SCN9A: variants seen among roughly 807,000 people sequenced by gnomAD.
SCN9A encodes the protein sodium voltage-gated channel alpha subunit 9.
In SCN9A, 131 loss-of-function variants were observed where a neutral mutation model predicts 187.0. The ratio of observed to expected loss-of-function variants is 0.70; its 90% CI spans 0.61 to 0.81. The LOEUF (loss-of-function observed/expected upper bound fraction) is 0.81, where lower values mean the gene tolerates loss of function less well. Ranked by LOEUF, SCN9A falls within the 30% of genes least tolerant of loss-of-function variation. The probability of loss-of-function intolerance (pLI) is 0.00; values close to 1 mark genes in which losing one functional copy is unlikely to be tolerated. For missense variants in SCN9A, 2,252 were observed against 2,396.6 expected (o/e 0.94, Z 1.26); for synonymous variants, 809 against 808.6 (o/e 1.00, Z -0.01).
chr2:166,296,464 T>C (rs918232431), intron 7 of SCN9A, among the ~76,000 whole-genome samples: 1 of 152,210 alleles, frequency 6.6e-6, no homozygotes, highest in African/African-American at 2.4e-5. Context: ...AAAACACTCC[T>C]GAACCTCGGG....
At chr2:166,308,211 T>A (rs980878966) in intron 2 of SCN9A, among the ~76,000 whole-genome samples, 2 of 152,202 alleles carry the variant, frequency 1.3e-5, no homozygotes, top group Admixed American at 1.3e-4. Context: ...ATCCTTTTTG[T>A]CTTAAATCTC....
intron 22 of SCN9A, among the ~76,000 whole-genome samples, 194 bp from the exon 23 acceptor site, chr2:166,227,917 C>T (rs934970930): frequency 6.6e-6 from 1 of 151,992 alleles, no homozygotes; most frequent in African/African-American, 2.4e-5. Flanking sequence ...AAATCTTAGT[C>T]CCAGTTAATT....
chr2:166,225,164 A>G (rs2106381331), intron 24 of SCN9A, among the ~76,000 whole-genome samples: 1 of 152,258 alleles, frequency 6.6e-6, no homozygotes, highest in South Asian at 2.1e-4. Context: ...AAGCATTGCT[A>G]TCCCCCCTGA....
At chr2:166,363,725 C>T (rs1037505296) in intron 1 of SCN9A, among the ~76,000 whole-genome samples, 3 of 151,834 alleles carry the variant, frequency 2.0e-5, no homozygotes, top group Non-Finnish European at 2.9e-5. Context: ...ACCTAAACGT[C>T]AGAGTTAGAA....
rs1362337541 is a variant in SCN9A at position 166,284,630 on chromosome 2, G to T, written c.1797C>A (p.Ser599Arg). Residue 599 changes from serine (S) to arginine (R), a missense_variant, in exon 12 of 27, where the codon AGC becomes AGA. Physicochemically the swap from Ser to Arg is moderately radical, Grantham distance 110. Around this residue, in one of 7 missense-constraint regions of SCN9A, gnomAD observed 1,013 missense variants for 997.4 expected, o/e 1.02. Coordinates refer to ENST00000642356, the MANE Select transcript of SCN9A (RefSeq NM_001365536.1). ...ACCTACTGGCTTGGCTGATGTTACT[G>T]CTGCGTCGCTCCTGGGGTCTGTGGG... ...FVPHRPQERR[S>R]SNISQASRSP... 1 of 1,613,988 alleles carries T rather than the reference G, an allele frequency of 6.2e-7. No individual in the cohort carries two copies. Among genetic ancestry groups the T allele is most frequent in the Admixed American group, 1.7e-5 (1 of 60,018 alleles).
At chr2:166,340,607 TCTTTCTTTCTTTC>T (rs57073619) in intron 1 of SCN9A, among the ~76,000 whole-genome samples, 14,532 of 87,914 alleles carry the variant, frequency 0.17, 1,791 homozygotes, top group African/African-American at 0.41. Context: ...TCTTTCTTTT[TCTTTCTTTCTTTC>T]CTTTCTCTTC....
intron 17 of SCN9A, 78 bp from the exon 18 acceptor site, chr2:166,251,963 A>T: frequency 6.7e-7 from 1 of 1,489,526 alleles, no homozygotes; most frequent in Non-Finnish European, 9.3e-7. Flanking sequence ...TTATTTAATA[A>T]TCAGACTCAT....
At chr2:166,200,729 G>A (rs556171357) in intron 26 of SCN9A, among the ~76,000 whole-genome samples, 18 of 152,158 alleles carry the variant, frequency 1.2e-4, no homozygotes, top group Admixed American at 1.2e-3. Context: ...TCTGCATCCC[G>A]GGATCAAATG....
At chr2:166,311,066 G>A (rs1698924761) in intron 2 of SCN9A, among the ~76,000 whole-genome samples, 1 of 89,404 alleles carries the variant, frequency 1.1e-5, no homozygotes, top group Non-Finnish European at 2.1e-5. Flanking sequence ...ATGGACACAG[G>A]AAGGGGAATA....
chr2:166,335,633 C>T (rs1699608263), intron 1 of SCN9A, among the ~76,000 whole-genome samples: 1 of 152,114 alleles, frequency 6.6e-6, no homozygotes, highest in African/African-American at 2.4e-5. Flanking sequence ...TTATCATTAG[C>T]AGACTTTCAA....
chr2:166,225,671 A>G (rs991342869), intron 24 of SCN9A, among the ~76,000 whole-genome samples: 2 of 152,168 alleles, frequency 1.3e-5, no homozygotes, highest in African/African-American at 4.8e-5. Context: ...TTATTTGAAA[A>G]TAATGTCATT....
intron 24 of SCN9A, among the ~76,000 whole-genome samples, chr2:166,224,306 T>C (rs1372725314): frequency 6.6e-6 from 1 of 152,122 alleles, no homozygotes; most frequent in Non-Finnish European, 1.5e-5. Flanking sequence ...AAATGGAACA[T>C]GAAATTTAAA....
chr2:166,295,971 C>G (rs1036624749), intron 7 of SCN9A: 4 of 152,184 alleles, frequency 2.6e-5, no homozygotes, highest in African/African-American at 9.6e-5. Flanking sequence ...CTTTTGTCAT[C>G]TCTCTTAAAT....
At chr2:166,238,007 T>C (rs1247718082) in intron 20 of SCN9A, 87 bp downstream of exon 20, 10 of 897,538 alleles carry the variant, frequency 1.1e-5, no homozygotes, top group Non-Finnish European at 1.5e-5. Flanking sequence ...AAAATTAAAA[T>C]ATGATAATAT....
At chr2:166,352,800 T>C (rs1411087728) in intron 1 of SCN9A, among the ~76,000 whole-genome samples, 2 of 152,170 alleles carry the variant, frequency 1.3e-5, no homozygotes, top group Non-Finnish European at 2.9e-5. Context: ...TTTAGAACTA[T>C]GAGCATTCAA....
At chr2:166,277,376 G>A in intron 15 of SCN9A, 37 bp from the exon 16 acceptor site, 1 of 1,393,048 alleles carries the variant, frequency 7.2e-7, no homozygotes, top group Non-Finnish European at 9.9e-7. Context: ...TAATCACTAT[G>A]AAAATCTTTT....
chr2:166,286,170 A>C (rs1697731542), intron 11 of SCN9A, among the ~76,000 whole-genome samples, 166 bp downstream of exon 11: 1 of 152,168 alleles, frequency 6.6e-6, no homozygotes, highest in African/African-American at 2.4e-5. Flanking sequence ...CCAAATGGAA[A>C]CCTGTGTACA....
chr2:166,368,587 C>T (rs548476797), intron 1 of SCN9A, among the ~76,000 whole-genome samples: 8 of 151,272 alleles, frequency 5.3e-5, no homozygotes, highest in African/African-American at 1.7e-4. Context: ...GAGCCAACAT[C>T]GTACCACTGC....
At chr2:166,239,382 A>G (rs1265467282) in intron 19 of SCN9A, among the ~76,000 whole-genome samples, 1 of 152,134 alleles carries the variant, frequency 6.6e-6, no homozygotes, top group Non-Finnish European at 1.5e-5. Context: ...TTAATATTAT[A>G]TTTATTACCT....
Sources: gnomAD v4.1 joint callset for allele counts (sites outside exome capture counted in the v4.1 genomes callset) on GRCh38, gnomAD v4.1.1 for gene constraint, gnomAD v4.1.1 regional missense constraint, MANE v1.5 for transcripts, NCBI Gene and HGNC (gene_info 2026-07-23, HGNC 2026-07-21) for gene names.